The following SWT1 variants were observed in gnomAD, a reference collection of about 807,000 sequenced individuals.
SWT1 encodes SWT1 RNA endoribonuclease homolog, also known as transcriptional protein SWT1.
Under a neutral mutation model 107.3 loss-of-function variants are expected in SWT1, and 33 were observed. The ratio of observed to expected loss-of-function variants is 0.31; its 90% CI spans 0.23 to 0.41. The LOEUF is 0.41. Ranked by LOEUF, SWT1 falls within the 10% of genes least tolerant of loss-of-function variation. The pLI, the probability that SWT1 is intolerant of heterozygous loss-of-function variation, is 1.00. For synonymous variants in SWT1, 345 were observed against 348.3 expected (o/e 0.99, Z 0.11); for missense variants, 898 against 1,028.9 (o/e 0.87, Z 1.74).
intron 10 of SWT1, among the ~76,000 whole-genome samples, chr1:185,201,027 TC>T (rs1428867317): frequency 6.6e-6 from 1 of 152,108 alleles, no homozygotes. Context: ...AGTCTAAACT[TC>T]CTGGGGGCTT....
intron 14 of SWT1, among the ~76,000 whole-genome samples, chr1:185,216,980 A>G (rs933173110): frequency 6.8e-6 from 1 of 147,510 alleles, no homozygotes; most frequent in Non-Finnish European, 1.5e-5. Flanking sequence ...AGAAAAGAAA[A>G]AAACCAGTGA....
intron 11 of SWT1, 74 bp downstream of exon 11, chr1:185,202,873 G>T: frequency 1.2e-6 from 1 of 823,118 alleles, no homozygotes; most frequent in Non-Finnish European, 1.7e-6. Flanking sequence ...CATTAGAATC[G>T]ATAGTAAATT....
At chr1:185,238,542 C>T (rs1661052561) in intron 16 of SWT1, among the ~76,000 whole-genome samples, 1 of 151,036 alleles carries the variant, frequency 6.6e-6, no homozygotes, top group African/African-American at 2.4e-5. Flanking sequence ...TTTAAGCTTT[C>T]CAGGGGATTT....
intron 16 of SWT1, among the ~76,000 whole-genome samples, chr1:185,238,145 G>A (rs2102597795): frequency 6.6e-6 from 1 of 151,966 alleles, no homozygotes; most frequent in African/African-American, 2.4e-5. Flanking sequence ...TGCCACCACA[G>A]TCAGCTAATT....
chr1:185,255,201 T>G (rs1262942161), intron 16 of SWT1, among the ~76,000 whole-genome samples: 2 of 152,130 alleles, frequency 1.3e-5, no homozygotes, highest in African/African-American at 2.4e-5. Context: ...TACTTCCAAG[T>G]ATGTGGTCAG....
intron 4 of SWT1, among the ~76,000 whole-genome samples, chr1:185,169,705 C>T (rs569983334): frequency 6.0e-5 from 9 of 150,046 alleles, no homozygotes; most frequent in Non-Finnish European, 1.3e-4. Context: ...CCAGCCTGGG[C>T]GATGTAGTGA....
At position 185,164,332 on chromosome 1, in the gene SWT1, C is replaced by G. The variant is rs959300777; in HGVS notation, c.85-2240C>G. Among the ~76,000 whole-genome samples, 145 of 152,158 alleles carry G rather than the reference C, an allele frequency of 9.5e-4. 2 individuals carry two copies. The highest frequency in any genetic ancestry group is 1.9e-4 in the Non-Finnish European group (13 of 68,024). On this transcript the variant is annotated intron_variant, in intron 2 of 18. Coordinates refer to ENST00000367500, the MANE Select transcript of SWT1 (RefSeq NM_017673.7). The stretch of plus-strand genomic sequence containing the variant: ...TCATTCTTAAGGTACCTAGGATTTT[C>G]TGAATGATAAGTAAGTATTGGCTTC...
intron 4 of SWT1, chr1:185,171,637 A>G (rs922566638): frequency 1.7e-5 from 9 of 528,602 alleles, no homozygotes; most frequent in African/African-American, 5.8e-5. Context: ...GGTGGGTGCA[A>G]TCAAGAGTGA....
Position 185,171,799 on chromosome 1 carries a change from A to G in SWT1, c.225-2573A>G, listed in dbSNP as rs115210717. The G allele has an allele frequency of 5.9e-3, 2,099 of 356,958 alleles. 55 individuals are homozygous for G. The highest frequency in any genetic ancestry group is 0.041 in the African/African-American group (1,887 of 45,850). 22.1% of individuals were successfully genotyped at this position (356,958 alleles called of 1,614,324 possible). On this transcript the variant is annotated intron_variant, in intron 4 of 18. Coordinates refer to ENST00000367500, the MANE Select transcript of SWT1 (RefSeq NM_017673.7). ...CAGTCTCGGCTCACTGCAGCCTCCA[A>G]CTCTTGGGCTCAAGTGATCCTCCCA... is the stretch of plus-strand genomic sequence containing the variant.
intron 16 of SWT1, among the ~76,000 whole-genome samples, chr1:185,233,035 C>T (rs546351560): frequency 1.3e-5 from 2 of 152,238 alleles, no homozygotes; most frequent in African/African-American, 4.8e-5. Flanking sequence ...CCAGCATCAT[C>T]ACCACATCTA....
intron 16 of SWT1, among the ~76,000 whole-genome samples, chr1:185,258,740 T>C (rs966366483): frequency 6.6e-6 from 1 of 152,134 alleles, no homozygotes; most frequent in Admixed American, 6.5e-5. Context: ...TCAAGATTTT[T>C]CTCTGTATGT....
Position 185,171,792 on chromosome 1 carries a change from G to A in SWT1, c.225-2580G>A, listed in dbSNP as rs1018846515. On this transcript the variant is annotated intron_variant, in intron 4 of 18. Transcript: ENST00000367500. ...AGTGGCACAGTCTCGGCTCACTGCA[G>A]CCTCCAACTCTTGGGCTCAAGTGAT... 6.3e-5 allele frequency: 23 copies of A among 365,882 alleles called. No homozygotes were observed. In the East Asian group the frequency reaches 1.7e-3, roughly 27 times the overall value. The allele number at this position is 365,882 out of a possible 1,614,324, so 22.7% of individuals were successfully genotyped here. A position where few individuals can be genotyped will look rare whatever the true frequency, so the allele number is the denominator to read the frequency against.
intron 15 of SWT1, among the ~76,000 whole-genome samples, chr1:185,224,973 A>G (rs990743162): frequency 3.9e-5 from 6 of 152,044 alleles, no homozygotes; most frequent in African/African-American, 1.2e-4. Context: ...CCTAATTGCT[A>G]TAAGACTTCC....
At chr1:185,280,746 T>C (rs1180320587) in intron 18 of SWT1, 1 of 261,826 alleles carries the variant, frequency 3.8e-6, no homozygotes, top group Non-Finnish European at 7.6e-6. Context: ...CAAACTGGAA[T>C]AGGAGAAGCT....
intron 4 of SWT1, chr1:185,171,506 C>A: frequency 3.1e-6 from 1 of 323,864 alleles, no homozygotes. Context: ...TCATGGTGAT[C>A]TTGCCCTTGC....
At chr1:185,178,732 GTTTGGCACTTCTTAAAGAGAACTT>G (rs1380096508) in intron 5 of SWT1, among the ~76,000 whole-genome samples, 1 of 152,074 alleles carries the variant, frequency 6.6e-6, no homozygotes, top group African/African-American at 2.4e-5. Flanking sequence ...TCTCTGGCTT[GTTTGGCACTTCTTAAAGAGAACTT>G]TAAAGATCAG....
At chr1:185,207,802 G>T (rs1273060912) in intron 13 of SWT1, among the ~76,000 whole-genome samples, 1 of 152,178 alleles carries the variant, frequency 6.6e-6, no homozygotes, top group Non-Finnish European at 1.5e-5. Context: ...TTGGGAGGCT[G>T]AGGTGGGAGG....
At chr1:185,274,394 C>G (rs1031990818) in intron 17 of SWT1, among the ~76,000 whole-genome samples, 1 of 150,828 alleles carries the variant, frequency 6.6e-6, no homozygotes, top group Non-Finnish European at 1.5e-5. Context: ...CTAGGTCAAG[C>G]AATCTTCCTA....
At chr1:185,289,045 C>G (rs1168038627) in intron 18 of SWT1, among the ~76,000 whole-genome samples, 1 of 152,170 alleles carries the variant, frequency 6.6e-6, no homozygotes, top group Non-Finnish European at 1.5e-5. Flanking sequence ...ACTTCCTTAC[C>G]CCTCTCAAGT....
Sources: allele counts gnomAD v4.1 joint callset (sites outside exome capture counted in the v4.1 genomes callset), GRCh38; gene constraint gnomAD v4.1.1; transcripts MANE v1.5; gene names NCBI Gene and HGNC (gene_info 2026-07-23, HGNC 2026-07-21).